Variants in DLC1 observed in about 807,000 individuals in gnomAD.
The protein encoded by DLC1 is rho GTPase-activating protein 7.
A neutral mutation model predicts 140.3 loss-of-function variants in DLC1; 54 were observed. That is an observed-to-expected ratio of 0.38 (90% CI 0.31 to 0.48). DLC1 has a LOEUF of 0.48. DLC1 is among the 20% of genes least tolerant of loss of function. DLC1 has a pLI of 0.96. For synonymous variants in DLC1, 986 were observed against 728.1 expected (o/e 1.35, Z -5.70); for missense variants, 2,536 against 1,907.0 (o/e 1.33, Z -6.14).
intron 12 of DLC1, among the ~76,000 whole-genome samples, 167 bp from the exon 13 acceptor site, chr8:13,092,992 G>A (rs1426926250): frequency 2.0e-5 from 3 of 152,028 alleles, no homozygotes; most frequent in African/African-American, 7.2e-5. Flanking sequence ...AATTGCCACC[G>A]GCGTCACTAT....
chr8:13,280,287 C>CAAAA (rs55791933), intron 5 of DLC1, among the ~76,000 whole-genome samples: 22 of 65,354 alleles, frequency 3.4e-4, no homozygotes, highest in African/African-American at 6.7e-4. Flanking sequence ...GACTCCATCT[C>CAAAA]AAAAAAAAAA....
chr8:13,535,684 AG>A lies in DLC1; in HGVS notation c.-125-35489del, dbSNP rs66737023. Among the ~76,000 whole-genome samples the A allele has an allele frequency of 1.8e-4, 27 of 146,080 alleles. 3 individuals are homozygous for A. Among genetic ancestry groups the A allele is most frequent in the Non-Finnish European group, 2.6e-4 (17 of 66,508 alleles). On this transcript the variant is annotated intron_variant, in intron 1 of 1. Transcript: ENST00000631382. ...CATTGCTCATTAAAAAAAAAAAAAA[AG>A]AAAAGAAAACAACAACCCTCCTCCA...
intron 2 of DLC1, among the ~76,000 whole-genome samples, chr8:13,435,301 G>A (rs949789977): frequency 2.2e-4 from 33 of 152,190 alleles, no homozygotes; most frequent in Non-Finnish European, 3.4e-4. Context: ...AACCTGAATG[G>A]ATGAGGAGTT....
At chr8:13,164,173 C>T (rs1824930552) in intron 5 of DLC1, among the ~76,000 whole-genome samples, 1 of 151,988 alleles carries the variant, frequency 6.6e-6, no homozygotes, top group Non-Finnish European at 1.5e-5. Context: ...TGGCAGGCGC[C>T]TTAATCCCAG....
chr8:13,359,864 G>C lies in DLC1; in HGVS notation c.1314+33689C>G, dbSNP rs546799099. 5.3e-5 allele frequency among the ~76,000 whole-genome samples: 8 copies of C among 152,272 alleles called. No individual in the cohort carries two copies. In the South Asian group the frequency reaches 1.7e-3, roughly 32 times the overall value. Reference sequence around the variant, plus strand: ...GGTTGGAAGTTATTTAAGTTCTCATGCTATTCAGGCCATTATGGAATGAAA... The same window carrying C: ...GGTTGGAAGTTATTTAAGTTCTCATCCTATTCAGGCCATTATGGAATGAAA... On this transcript the variant is annotated intron_variant, in intron 4 of 17. Transcript: ENST00000276297.
chr8:13,229,830 C>T (rs928731338), intron 5 of DLC1, among the ~76,000 whole-genome samples: 5 of 152,272 alleles, frequency 3.3e-5, no homozygotes, highest in East Asian at 3.9e-4. Context: ...GTGTTCACTG[C>T]GCTCAAATTG....
At chr8:13,247,277 A>G (rs1829803760) in intron 5 of DLC1, among the ~76,000 whole-genome samples, 1 of 152,200 alleles carries the variant, frequency 6.6e-6, no homozygotes. Flanking sequence ...GCAATTTGGC[A>G]CAGTTGTTAC....
chr8:13,196,821 G>T (rs1205592236), intron 5 of DLC1, among the ~76,000 whole-genome samples: 1 of 152,192 alleles, frequency 6.6e-6, no homozygotes, highest in Non-Finnish European at 1.5e-5. Flanking sequence ...GGCTTCAAAT[G>T]AGATGAAAAG....
At chr8:13,184,070 C>T (rs1204223873) in intron 5 of DLC1, among the ~76,000 whole-genome samples, 1 of 152,112 alleles carries the variant, frequency 6.6e-6, no homozygotes, top group Admixed American at 6.6e-5. Context: ...AGGAATTTAT[C>T]CATTTCTTCT....
At chr8:13,362,655 G>A (rs561495101) in intron 4 of DLC1, among the ~76,000 whole-genome samples, 1 of 152,086 alleles carries the variant, frequency 6.6e-6, no homozygotes, top group Admixed American at 6.6e-5. Context: ...TATAAACAAG[G>A]GGGGTGTGGA....
At chr8:13,354,747 C>A (rs978895826) in intron 4 of DLC1, among the ~76,000 whole-genome samples, 1 of 150,166 alleles carries the variant, frequency 6.7e-6, no homozygotes, top group Non-Finnish European at 1.5e-5. Context: ...GAGTTCAAGA[C>A]CAGCCTGAGC....
chr8:13,163,267 C>G (rs918568856), intron 5 of DLC1, among the ~76,000 whole-genome samples: 1 of 152,124 alleles, frequency 6.6e-6, no homozygotes, highest in Non-Finnish European at 1.5e-5. Flanking sequence ...ACATTTTTAC[C>G]TGCACTCAGT....
intron 1 of DLC1, among the ~76,000 whole-genome samples, chr8:13,524,468 T>G (rs1802858355): frequency 6.6e-6 from 1 of 152,156 alleles, no homozygotes; most frequent in Non-Finnish European, 1.5e-5. Flanking sequence ...TGCTTTTCGC[T>G]ATGTATTTTA....
Position 13,115,624 on chromosome 8 carries a change from C to A in DLC1, c.1382G>T (p.Arg461Leu), listed in dbSNP as rs757712242. 3 of 1,613,854 alleles carry A rather than the reference C, an allele frequency of 1.9e-6. No individual in the cohort carries two copies. The highest frequency in any genetic ancestry group is 2.2e-5 in the South Asian group (2 of 91,030). ...IEAKEACDWL[R>L]ATGFPQYAQL... ...TGCATACTGGGGGAAACCAGTTGCC[C>A]GTAGCCAATCACAAGCTTCCTTGGC... Residue 461 changes from arginine to leucine, a missense_variant, in exon 6 of 18, where the codon CGG (arginine) becomes CTG (leucine). Physicochemically the swap from Arg to Leu is moderately radical, Grantham distance 102. Coordinates refer to ENST00000276297, the MANE Select transcript of DLC1 (RefSeq NM_182643.3).
intron 1 of DLC1, among the ~76,000 whole-genome samples, chr8:13,592,375 TG>T (rs1805542232): frequency 6.6e-6 from 1 of 152,122 alleles, no homozygotes; most frequent in Non-Finnish European, 1.5e-5. Context: ...TTTTTATATT[TG>T]TCTTTTATTT....
intron 5 of DLC1, among the ~76,000 whole-genome samples, chr8:13,226,624 C>T (rs1828805892): frequency 6.6e-6 from 1 of 152,148 alleles, no homozygotes; most frequent in Non-Finnish European, 1.5e-5. Context: ...AAACATATGG[C>T]AATTGTAGGA....
chr8:13,220,342 A>C (rs1828481210), intron 5 of DLC1, among the ~76,000 whole-genome samples: 1 of 152,168 alleles, frequency 6.6e-6, no homozygotes, highest in South Asian at 2.1e-4. Context: ...AAGGTGCCCC[A>C]CGTAAAGGTA....
Position 13,108,923 on chromosome 8 carries a change from C to A in DLC1, c.1502+1819G>T, listed in dbSNP as rs576713357. Among the ~76,000 whole-genome samples the A allele has an allele frequency of 2.0e-5, 3 of 152,294 alleles. No individual in the cohort carries two copies. In the East Asian group the frequency reaches 5.8e-4, roughly 29 times the overall value. ...CCGATGATATAGTAATGATATTACA[C>A]TCCACAGTGAAGTTCTTGGAATTAG... On this transcript the variant is annotated intron_variant, in intron 7 of 17. Coordinates refer to ENST00000276297, the MANE Select transcript of DLC1 (RefSeq NM_182643.3).
At chr8:13,256,337 G>T (rs1166549649) in intron 5 of DLC1, among the ~76,000 whole-genome samples, 1 of 152,152 alleles carries the variant, frequency 6.6e-6, no homozygotes, top group Non-Finnish European at 1.5e-5. Context: ...TAAAGTGGTT[G>T]AACTAGTTAT....
Sources: allele counts gnomAD v4.1 joint callset (sites outside exome capture counted in the v4.1 genomes callset), GRCh38; gene constraint gnomAD v4.1.1; transcripts MANE v1.5; gene names NCBI Gene and HGNC (gene_info 2026-07-23, HGNC 2026-07-21).